STAU2: variants seen among roughly 807,000 people sequenced by gnomAD.
STAU2 encodes staufen double-stranded RNA binding protein 2.
STAU2 carries 20 observed loss-of-function variants against 65.9 expected under a neutral mutation model. The observed-to-expected ratio is 0.30, with a 90% CI of 0.21 to 0.44. The LOEUF (loss-of-function observed/expected upper bound fraction) is 0.44. STAU2 is among the 20% of genes least tolerant of loss of function. STAU2 has a pLI of 1.00. For missense variants in STAU2, 558 were observed against 683.9 expected (o/e 0.82, Z 2.05); for synonymous variants, 232 against 233.9 (o/e 0.99, Z 0.07).
At chr8:73,627,772 CACTG>C (rs1813800253) in intron 6 of STAU2, among the ~76,000 whole-genome samples, 1 of 137,228 alleles carries the variant, frequency 7.3e-6, no homozygotes, top group Non-Finnish European at 1.6e-5. Flanking sequence ...AAAAAAAAAA[CACTG>C]ACAGTGTGGA....
chr8:73,552,045 T>G lies in STAU2; in HGVS notation c.1497A>C (p.Gln499His), dbSNP rs564127015. The stretch of plus-strand genomic sequence containing the variant: ...CTTGAATCCTTGCTAAATATTCCAG[T>G]TGTTTTGAAGGTTGTACTGGAGAAC... ...PPCSPVQPSKQLEYLARIQGF... is the reference protein window; with the variant it reads ...PPCSPVQPSKHLEYLARIQGF... The change falls in exon 13 of 15, where the codon CAA becomes CAC. Residue 499 changes from glutamine to histidine, a missense_variant. Gln to His is a conservative substitution (Grantham distance 24). This residue lies in a region of STAU2 where 247 missense variants were observed against 270.1 expected (regional missense o/e 0.91). Transcript: ENST00000524300. 6.3e-7 allele frequency: 1 copy of G among 1,582,400 alleles called. No homozygotes were observed. Among genetic ancestry groups the G allele is most frequent in the South Asian group, 1.2e-5 (1 of 86,244 alleles).
chr8:73,468,126 A>G (rs1422390722), intron 13 of STAU2, among the ~76,000 whole-genome samples: 1 of 152,254 alleles, frequency 6.6e-6, no homozygotes, highest in Non-Finnish European at 1.5e-5. Context: ...CCAATGGAAC[A>G]GAACAGAGCC....
rs114483027 is a variant in STAU2 at position 73,435,485 on chromosome 8, C to T, written c.1531-12783G>A. On this transcript the variant is annotated intron_variant, in intron 13 of 14. Transcript: ENST00000524300. ...CTGTTCTCAGAGCCAGCATCTTGCC[C>T]TGGTTGGCTTTCCTCTCAGCAGGTA... Among the ~76,000 whole-genome samples, 456 of 152,014 alleles carry T rather than the reference C, an allele frequency of 3.0e-3. 13 individuals are homozygous for T. The highest frequency in any genetic ancestry group is 0.01 in the African/African-American group (433 of 41,280).
chr8:73,656,305 GTCAC>G (rs1446020787), intron 6 of STAU2, among the ~76,000 whole-genome samples: 1 of 152,128 alleles, frequency 6.6e-6, no homozygotes, highest in Non-Finnish European at 1.5e-5. Flanking sequence ...TTATAACAAG[GTCAC>G]TCAATTTTTT....
At chr8:73,700,323 C>T (rs1014269756) in intron 4 of STAU2, among the ~76,000 whole-genome samples, 2 of 151,640 alleles carry the variant, frequency 1.3e-5, no homozygotes, top group African/African-American at 4.8e-5. Flanking sequence ...CTAGCTAGAG[C>T]AATCAGGCAA....
intron 12 of STAU2, among the ~76,000 whole-genome samples, 192 bp downstream of exon 12, chr8:73,582,578 A>T (rs1326746307): frequency 6.6e-6 from 1 of 152,152 alleles, no homozygotes; most frequent in Non-Finnish European, 1.5e-5. Context: ...TAACTGTGTT[A>T]AGTGTATCTG....
At chr8:73,639,458 A>C (rs1814794155) in intron 6 of STAU2, among the ~76,000 whole-genome samples, 1 of 152,110 alleles carries the variant, frequency 6.6e-6, no homozygotes, top group Admixed American at 6.5e-5. Flanking sequence ...AAAGACATGG[A>C]AGCCTAGCAA....
chr8:73,669,016 A>T (rs1446360326), intron 6 of STAU2: 1 of 697,208 alleles, frequency 1.4e-6, no homozygotes, highest in Non-Finnish European at 2.6e-6. Context: ...TCCCTGCCTT[A>T]AGAAGCTAAT....
At chr8:73,662,290 T>C (rs1816886416) in intron 6 of STAU2, among the ~76,000 whole-genome samples, 1 of 152,244 alleles carries the variant, frequency 6.6e-6, no homozygotes, top group Non-Finnish European at 1.5e-5. Flanking sequence ...ATATATGTAT[T>C]ACGAATGTTT....
chr8:73,577,835 T>C (rs1809690856), intron 12 of STAU2, among the ~76,000 whole-genome samples: 2 of 152,216 alleles, frequency 1.3e-5, no homozygotes, highest in South Asian at 4.1e-4. Context: ...TTTTTCATGA[T>C]TTCTTATCTG....
intron 6 of STAU2, among the ~76,000 whole-genome samples, chr8:73,627,106 G>T (rs1813698773): frequency 6.6e-6 from 1 of 151,232 alleles, no homozygotes; most frequent in African/African-American, 2.4e-5. Context: ...CCAGTGTGCT[G>T]CCACTGTGTT....
chr8:73,458,123 T>C (rs1819165538), intron 13 of STAU2, among the ~76,000 whole-genome samples: 1 of 152,256 alleles, frequency 6.6e-6, no homozygotes, highest in Admixed American at 6.5e-5. Context: ...TAAATTTGAC[T>C]TTTAAAATTT....
At chr8:73,627,681 T>C (rs1813787968) in intron 6 of STAU2, among the ~76,000 whole-genome samples, 1 of 150,974 alleles carries the variant, frequency 6.6e-6, no homozygotes, top group Admixed American at 6.6e-5. Context: ...GAATACTAAA[T>C]AGCAGCTGAT....
chr8:73,526,558 T>C (rs909814202), intron 13 of STAU2, among the ~76,000 whole-genome samples: 2 of 152,168 alleles, frequency 1.3e-5, no homozygotes, highest in Non-Finnish European at 2.9e-5. Context: ...GGTAAGACTA[T>C]TAGAAGTCCT....
chr8:73,424,015 C>T (rs1044976975), intron 13 of STAU2, among the ~76,000 whole-genome samples: 1 of 151,982 alleles, frequency 6.6e-6, no homozygotes. Flanking sequence ...TAAAATAGTT[C>T]CACAGCCCTA....
chr8:73,703,572 T>C (rs1368235299), intron 4 of STAU2, among the ~76,000 whole-genome samples: 1 of 152,184 alleles, frequency 6.6e-6, no homozygotes, highest in Non-Finnish European at 1.5e-5. Context: ...CATCAACAGA[T>C]GAATGTCCAA....
At chr8:73,725,470 T>C (rs1003741583) in intron 3 of STAU2, among the ~76,000 whole-genome samples, 1 of 152,230 alleles carries the variant, frequency 6.6e-6, no homozygotes, top group Non-Finnish European at 1.5e-5. Context: ...AAGGCACTGT[T>C]AGTATTTTTG....
intron 3 of STAU2, among the ~76,000 whole-genome samples, chr8:73,713,835 G>A (rs1038664656): frequency 1.3e-5 from 2 of 152,082 alleles, no homozygotes; most frequent in African/African-American, 4.8e-5. Context: ...AGACTACCTC[G>A]CTTCGCAAGG....
chr8:73,683,537 TGA>T (rs2130482690), intron 5 of STAU2, among the ~76,000 whole-genome samples: 1 of 152,222 alleles, frequency 6.6e-6, no homozygotes, highest in East Asian at 1.9e-4. Flanking sequence ...GCATTCCCCC[TGA>T]GAACTGGAAC....
Sources: allele counts gnomAD v4.1 joint callset (sites outside exome capture counted in the v4.1 genomes callset), GRCh38; gene constraint gnomAD v4.1.1; regional missense constraint gnomAD v4.1.1; transcripts MANE v1.5; gene names NCBI Gene and HGNC (gene_info 2026-07-23, HGNC 2026-07-21).